Variants in CTBP2 observed in about 807,000 individuals in gnomAD.
CTBP2 encodes C-terminal binding protein 2, also known as C-terminal-binding protein 2.
A neutral mutation model predicts 80.3 loss-of-function variants in CTBP2; 30 were observed. That is an observed-to-expected ratio of 0.37 (90% CI 0.28 to 0.51). The LOEUF (loss-of-function observed/expected upper bound fraction) is 0.51. Among genes scored for constraint, CTBP2 ranks in the 20% least tolerant of loss-of-function variants. The pLI is 0.93. For missense variants in CTBP2, 1,212 were observed against 1,375.3 expected (o/e 0.88, Z 1.88); for synonymous variants, 594 against 587.4 (o/e 1.01, Z -0.16).
At position 125,027,048 on chromosome 10, in the gene CTBP2, A is replaced by G. The variant is rs1374062311; in HGVS notation, c.712T>C (p.Ser238Pro). Reference sequence around the variant, plus strand: ...GTGCTGCCTTCGGGGGCAGCAGCTGAACTGGGGTCCACAACCAGGCACGTC... The same window carrying G: ...GTGCTGCCTTCGGGGGCAGCAGCTGGACTGGGGTCCACAACCAGGCACGTC... The change falls in exon 1 of 9, where the codon TCA becomes CCA. Residue 238 changes from serine to proline, a missense_variant. This residue lies in a region of CTBP2 where 848 missense variants were observed against 782.3 expected (regional missense o/e 1.08). Coordinates refer to ENST00000309035, the MANE Select transcript of CTBP2 (RefSeq NM_022802.3). The G allele has an allele frequency of 2.5e-6, 4 of 1,613,408 alleles. No homozygotes were observed. Among genetic ancestry groups the G allele is most frequent in the Non-Finnish European group, 3.4e-6 (4 of 1,179,688 alleles).
rs558360621 is a variant in CTBP2, at chr10:124,985,952, G to C, written c.*3566C>G. Reference sequence around the variant, plus strand: ...TGTTAGAAGGGCATGCCTTTGCTTAGGCAGATTGGGAATACCAATTCACTA... The same window carrying C: ...TGTTAGAAGGGCATGCCTTTGCTTACGCAGATTGGGAATACCAATTCACTA... On this transcript the variant is annotated 3_prime_UTR_variant, in exon 9 of 9. Transcript: ENST00000309035. The C allele has an allele frequency of 6.6e-6, 1 of 152,334 alleles. No individual in the cohort carries two copies. The highest frequency in any genetic ancestry group is 2.4e-5 in the African/African-American group (1 of 41,576). 9.4% of individuals were successfully genotyped at this position (152,334 alleles called of 1,614,324 possible).
intron 8 of CTBP2, 44 bp downstream of exon 10, chr10:124,992,651 C>T (rs753365078): frequency 4.8e-6 from 7 of 1,462,070 alleles, no homozygotes; most frequent in South Asian, 3.7e-5. Flanking sequence ...GGCCCCGGGG[C>T]CGTGGTGCTC....
chr10:125,073,165 C>G (rs1222636882), intron 2 of CTBP2, among the ~76,000 whole-genome samples: 3 of 152,212 alleles, frequency 2.0e-5, no homozygotes, highest in Non-Finnish European at 4.4e-5. Context: ...CATCATCTTT[C>G]TTTCTTAATC....
rs1223954626 is a variant in CTBP2 at position 124,989,403 on chromosome 10, C to CA, written c.*114dup. On this transcript the variant is annotated 3_prime_UTR_variant, in exon 9 of 9. Transcript: ENST00000309035. ...TTTCAACACTGCAACATCAATGATG[C>CA]ATATGTCCAGAATCAGTTACAAAGA... The CA allele has an allele frequency of 1.8e-6, 2 of 1,113,718 alleles. No individual in the cohort carries two copies. Among genetic ancestry groups the CA allele is most frequent in the African/African-American group, 3.1e-5 (2 of 65,178 alleles). 69.0% of individuals were successfully genotyped at this position (1,113,718 alleles called of 1,614,324 possible). A position where few individuals can be genotyped will look rare whatever the true frequency, so the allele number is the denominator to read the frequency against.
At chr10:125,161,889 T>C (rs1861921506), upstream of CTBP2, among the ~76,000 whole-genome samples, 1 of 152,036 alleles carries the variant, frequency 6.6e-6, no homozygotes, top group Admixed American at 6.5e-5. Flanking sequence ...TCCTGACGTC[T>C]CAAGGTTGGA....
In CTBP2 at chr10:124,984,405, C is replaced by A; in HGVS notation, c.*5113G>T. On this transcript the variant is annotated 3_prime_UTR_variant, in exon 9 of 9. Transcript: ENST00000309035. ...ACATGAAGAAAAAAAGTTCATAGACCGTAACTTGTATAATTTCAGCTTGTA... is the reference window on the plus strand; with the variant it reads ...ACATGAAGAAAAAAAGTTCATAGACAGTAACTTGTATAATTTCAGCTTGTA... 5.4e-6 allele frequency: 1 copy of A among 185,498 alleles called. No homozygotes were observed. Among genetic ancestry groups the A allele is most frequent in the Non-Finnish European group, 1.1e-5 (1 of 90,606 alleles). The allele number at this position is 185,498 out of a possible 1,614,324, so 11.5% of individuals were successfully genotyped here.
chr10:125,014,352 T>G (rs1956258266), intron 1 of CTBP2, among the ~76,000 whole-genome samples: 1 of 152,240 alleles, frequency 6.6e-6, no homozygotes, highest in Admixed American at 6.5e-5. Flanking sequence ...CTTAGGAGGC[T>G]GAGGCAGGTG....
At chr10:125,142,469 G>C (rs1308552856) in intron 1 of CTBP2, among the ~76,000 whole-genome samples, 1 of 152,200 alleles carries the variant, frequency 6.6e-6, no homozygotes, top group African/African-American at 2.4e-5. Context: ...GTGGCTGGAG[G>C]CTGGGAGTCA....
chr10:125,098,652 GA>G (rs1849938328), intron 2 of CTBP2, among the ~76,000 whole-genome samples: 1 of 106,460 alleles, frequency 9.4e-6, no homozygotes, highest in South Asian at 3.4e-4. Flanking sequence ...AGAAATGGGG[GA>G]GGGGGAGAGA....
At chr10:125,045,332 C>T (rs1227516929) in intron 2 of CTBP2, among the ~76,000 whole-genome samples, 1 of 152,164 alleles carries the variant, frequency 6.6e-6, no homozygotes, top group African/African-American at 2.4e-5. Flanking sequence ...GCAGCCCGAA[C>T]TAAGACAATG....
At chr10:125,149,933 A>C (rs1167012840) in intron 1 of CTBP2, among the ~76,000 whole-genome samples, 1 of 152,182 alleles carries the variant, frequency 6.6e-6, no homozygotes, top group Non-Finnish European at 1.5e-5. Flanking sequence ...TATTAATTCA[A>C]ATTCCTTTCT....
chr10:125,156,920 C>G (rs1213388672), intron 1 of CTBP2, among the ~76,000 whole-genome samples: 1 of 152,112 alleles, frequency 6.6e-6, no homozygotes, highest in Non-Finnish European at 1.5e-5. Context: ...CAAGTTTTAC[C>G]GTTTCATCTT....
chr10:124,999,981 A>G (rs1316476964), intron 3 of CTBP2: 1 of 152,210 alleles, frequency 6.6e-6, no homozygotes, highest in African/African-American at 2.4e-5. Flanking sequence ...ACCTCCTCCT[A>G]GGAGATGAGC....
In CTBP2 at chr10:125,026,615, T is replaced by C. The variant is rs1330676701; in HGVS notation, c.1145A>G (p.Asp382Gly). The stretch of plus-strand genomic sequence containing the variant: ...AGCCGCAGCGCCCAGAGAAGCCAAG[T>C]CACCATGGAGCAGTTCGCTTCGGTG... Residue 382 changes from aspartate (D) to glycine (G), a missense_variant, in exon 1 of 9, where the codon GAC (aspartate) becomes GGC (glycine). Asp to Gly is a moderately conservative substitution (Grantham distance 94, BLOSUM62 -1). Coordinates refer to ENST00000309035, the MANE Select transcript of CTBP2 (RefSeq NM_022802.3). The C allele has an allele frequency of 2.2e-6, 3 of 1,382,188 alleles. No homozygotes were observed. The highest frequency in any genetic ancestry group is 3.0e-6 in the Non-Finnish European group (3 of 1,003,960). 85.6% of individuals were successfully genotyped at this position (1,382,188 alleles called of 1,614,324 possible).
chr10:125,059,436 G>C (rs965890200), intron 2 of CTBP2, among the ~76,000 whole-genome samples: 1 of 152,062 alleles, frequency 6.6e-6, no homozygotes, highest in African/African-American at 2.4e-5. Flanking sequence ...CAAAAAATTA[G>C]CCGGGTGTGG....
At chr10:125,075,165 T>C (rs1846092579) in intron 2 of CTBP2, among the ~76,000 whole-genome samples, 1 of 152,140 alleles carries the variant, frequency 6.6e-6, no homozygotes, top group African/African-American at 2.4e-5. Context: ...AGAGTGACAA[T>C]ACAAAGTAAG....
At chr10:125,128,131 C>G (rs922080967) in intron 1 of CTBP2, among the ~76,000 whole-genome samples, 2 of 152,192 alleles carry the variant, frequency 1.3e-5, no homozygotes, top group Non-Finnish European at 2.9e-5. Context: ...CATGGTGAGG[C>G]TGCTCTGGGA....
intron 1 of CTBP2, chr10:125,159,843 G>T (rs1861632124): frequency 6.6e-6 from 1 of 151,070 alleles, no homozygotes. Flanking sequence ...GGCGGCCCCC[G>T]GGCGCGCACC....
intron 2 of CTBP2, among the ~76,000 whole-genome samples, chr10:125,044,382 C>T (rs1960704437): frequency 6.6e-6 from 1 of 152,218 alleles, no homozygotes; most frequent in South Asian, 2.1e-4. Context: ...TTAACAGGGC[C>T]TTGAGAACGC....
Sources: gnomAD v4.1 joint callset for allele counts (sites outside exome capture counted in the v4.1 genomes callset) on GRCh38, gnomAD v4.1.1 for gene constraint, gnomAD v4.1.1 regional missense constraint, MANE v1.5 for transcripts, NCBI Gene and HGNC (gene_info 2026-07-23, HGNC 2026-07-21) for gene names.